The following PRKCA variants were observed in gnomAD, a reference collection of about 807,000 sequenced individuals.
PRKCA encodes the protein protein kinase C alpha.
PRKCA carries 27 observed loss-of-function variants against 87.0 expected under a neutral mutation model. The observed-to-expected ratio is 0.31, with a 90% CI of 0.23 to 0.43. The LOEUF is 0.43. Among genes scored for constraint, PRKCA ranks in the 20% least tolerant of loss-of-function variants. The pLI, the probability that PRKCA is intolerant of heterozygous loss-of-function variation, is 1.00. For synonymous variants in PRKCA, 329 were observed against 311.1 expected (o/e 1.06, Z -0.61); for missense variants, 518 against 852.3 (o/e 0.61, Z 4.88).
chr17:66,585,147 G>A (rs1349712391), intron 3 of PRKCA, among the ~76,000 whole-genome samples: 1 of 152,094 alleles, frequency 6.6e-6, no homozygotes. Flanking sequence ...TTAGATAGGT[G>A]TGCCATTTAC....
chr17:66,798,448 G>A (rs1975739740), intron 16 of PRKCA, among the ~76,000 whole-genome samples: 2 of 114,486 alleles, frequency 1.7e-5, no homozygotes, highest in Admixed American at 9.1e-5. Context: ...TGGTGGTGGT[G>A]GTGACGGTGG....
At chr17:66,311,424 C>T (rs1016075727) in intron 2 of PRKCA, among the ~76,000 whole-genome samples, 16 of 151,926 alleles carry the variant, frequency 1.1e-4, no homozygotes, top group Non-Finnish European at 2.1e-4. Flanking sequence ...AAGACCAGCC[C>T]GGGCAACATG....
chr17:66,805,067 C>T lies in PRKCA; in HGVS notation c.*1030C>T, dbSNP rs909040207. ...CAGTAACTTAATGGAAGTGCTGACT[C>T]TAGCATCAGCCTCTACCGATTGATT... On this transcript the variant is annotated 3_prime_UTR_variant, in exon 17 of 17. Coordinates refer to ENST00000413366, the MANE Select transcript of PRKCA (RefSeq NM_002737.3). The T allele has an allele frequency of 1.0e-6, 1 of 982,126 alleles. No individual in the cohort carries two copies. The allele number at this position is 982,126 out of a possible 1,614,324, so 60.8% of individuals were successfully genotyped here.
intron 8 of PRKCA, among the ~76,000 whole-genome samples, chr17:66,724,368 C>A (rs1333426638): frequency 1.3e-5 from 2 of 152,026 alleles, no homozygotes; most frequent in Non-Finnish European, 2.9e-5. Flanking sequence ...GGGTGGAGGA[C>A]AGTTTCACAG....
chr17:66,748,756 G>A (rs1329861508), intron 13 of PRKCA, among the ~76,000 whole-genome samples: 1 of 152,116 alleles, frequency 6.6e-6, no homozygotes, highest in Non-Finnish European at 1.5e-5. Context: ...AAGGCAGGCT[G>A]AAGGAAGCAT....
Position 66,689,751 on chromosome 17 carries a change from C to T in PRKCA, c.918+704C>T, listed in dbSNP as rs965909804. Among the ~76,000 whole-genome samples the T allele has an allele frequency of 6.6e-6, 1 of 152,158 alleles. No individual in the cohort carries two copies. Among genetic ancestry groups the T allele is most frequent in the Non-Finnish European group, 1.5e-5 (1 of 68,034 alleles). ...ACGGTTCTTTTCTGTAAGCACCTTC[C>T]TTATGTTTTAAAGGCACAACTTCTA... On this transcript the variant is annotated intron_variant, in intron 8 of 16. Coordinates refer to ENST00000413366, the MANE Select transcript of PRKCA (RefSeq NM_002737.3). The surrounding 1 kb of genome is among the most constrained non-coding windows in gnomAD (Gnocchi z 4.1).
At position 66,371,077 on chromosome 17, in the gene PRKCA, C is replaced by T. The variant is rs181196084; in HGVS notation, c.205+64950C>T. Reference sequence around the variant, plus strand: ...TGGGATTATATCTGATTATAGCATGCGAGTAGCAAATAAGATATGATGTAT... The same window carrying T: ...TGGGATTATATCTGATTATAGCATGTGAGTAGCAAATAAGATATGATGTAT... On this transcript the variant is annotated intron_variant, in intron 2 of 16. Coordinates refer to ENST00000413366, the MANE Select transcript of PRKCA (RefSeq NM_002737.3). Among the ~76,000 whole-genome samples, 567 of 152,268 alleles carry T rather than the reference C, an allele frequency of 3.7e-3. 2 individuals carry two copies. The highest frequency in any genetic ancestry group is 6.0e-3 in the Non-Finnish European group (405 of 68,016).
intron 16 of PRKCA, among the ~76,000 whole-genome samples, chr17:66,801,457 T>G (rs938886211): frequency 6.6e-6 from 1 of 152,242 alleles, no homozygotes; most frequent in Non-Finnish European, 1.5e-5. Flanking sequence ...TTTCTTTGGC[T>G]GTTGTCATCT....
chr17:66,663,105 A>T (rs1971951761), intron 5 of PRKCA, among the ~76,000 whole-genome samples: 1 of 152,242 alleles, frequency 6.6e-6, no homozygotes. Context: ...ATGCTCAGCC[A>T]GGGCCTTCCA....
intron 5 of PRKCA, among the ~76,000 whole-genome samples, chr17:66,686,544 T>G (rs1700565167): frequency 6.6e-6 from 1 of 152,148 alleles, no homozygotes; most frequent in South Asian, 2.1e-4. Flanking sequence ...TCCTTGGAGA[T>G]TCTAGTTTAA....
intron 8 of PRKCA, among the ~76,000 whole-genome samples, chr17:66,729,780 C>CTTTTTTTTTTTTTTTTTTTTT (rs60247180): frequency 9.5e-6 from 1 of 105,104 alleles, no homozygotes. Flanking sequence ...GCGAGTTATT[C>CTTTTTTTTTTTTTTTTTTTTT]TTTTTTTTTT....
chr17:66,765,451 T>TATATCC (rs1287925489), intron 13 of PRKCA, among the ~76,000 whole-genome samples: 4 of 140,658 alleles, frequency 2.8e-5, no homozygotes, highest in Non-Finnish European at 4.6e-5. Context: ...TATATATATA[T>TATATCC]ATATCCATAT....
At chr17:66,546,472 T>C (rs1022354361) in intron 3 of PRKCA, among the ~76,000 whole-genome samples, 2 of 152,206 alleles carry the variant, frequency 1.3e-5, no homozygotes, top group African/African-American at 4.8e-5. Flanking sequence ...CAAGAATCTT[T>C]CCTTGCATTT....
chr17:66,688,380 C>T lies in PRKCA; in HGVS notation c.765C>T (p.Phe255=), dbSNP rs1257897049. ...GGGATCGAACAACAAGGAATGACTTCATGGGATCCCTTTCCTTTGGAGTTT... is the reference window on the plus strand; with the variant it reads ...GGGATCGAACAACAAGGAATGACTTTATGGGATCCCTTTCCTTTGGAGTTT... ...WDWDRTTRND[F]MGSLSFGVSE... is the part of the protein sequence containing the mutation. Residue 255 remains phenylalanine (F), a synonymous_variant, in exon 7 of 17, where the codon TTC becomes TTT. Coordinates refer to ENST00000413366, the MANE Select transcript of PRKCA (RefSeq NM_002737.3). 1 of 1,614,198 alleles carries T rather than the reference C, an allele frequency of 6.2e-7. No homozygotes were observed.
At chr17:66,411,419 T>C (rs1911798687) in intron 2 of PRKCA, among the ~76,000 whole-genome samples, 1 of 152,078 alleles carries the variant, frequency 6.6e-6, no homozygotes, top group Non-Finnish European at 1.5e-5. Context: ...TAGACACACT[T>C]AGATGTTTTG....
At chr17:66,722,999 TCAG>T (rs1299248801) in intron 8 of PRKCA, among the ~76,000 whole-genome samples, 1 of 152,240 alleles carries the variant, frequency 6.6e-6, no homozygotes, top group Non-Finnish European at 1.5e-5. Context: ...TTAGAGGGCT[TCAG>T]CAGGCTTTCC....
chr17:66,441,988 G>T (rs1462806492), intron 2 of PRKCA, among the ~76,000 whole-genome samples: 1 of 152,018 alleles, frequency 6.6e-6, no homozygotes, highest in African/African-American at 2.4e-5. Context: ...CAGACAGTTT[G>T]GCTTTAGGGC....
chr17:66,352,108 C>T (rs1370051919), intron 2 of PRKCA, among the ~76,000 whole-genome samples: 1 of 152,142 alleles, frequency 6.6e-6, no homozygotes, highest in African/African-American at 2.4e-5. Flanking sequence ...GAACTCTGCT[C>T]ATGGGAATGG....
At chr17:66,793,126 C>T (rs989470913) in intron 16 of PRKCA, among the ~76,000 whole-genome samples, 5 of 152,302 alleles carry the variant, frequency 3.3e-5, no homozygotes, top group East Asian at 3.9e-4. Flanking sequence ...AAACACAAAA[C>T]GAGCTGGTTT....
Sources: gnomAD v4.1 joint callset for allele counts (sites outside exome capture counted in the v4.1 genomes callset) on GRCh38, gnomAD v4.1.1 for gene constraint, Gnocchi (gnomAD v3.1) non-coding constraint, MANE v1.5 for transcripts, NCBI Gene and HGNC (gene_info 2026-07-23, HGNC 2026-07-21) for gene names.